ERC1: variants seen among roughly 807,000 people sequenced by gnomAD.
The protein encoded by ERC1 is RAB6 interacting protein 2.
In ERC1, 56 loss-of-function variants were observed where a neutral mutation model predicts 132.0. That is an observed-to-expected ratio of 0.42 (90% confidence interval 0.34 to 0.53). The LOEUF (loss-of-function observed/expected upper bound fraction) is 0.53, where lower values mean the gene tolerates loss of function less well. ERC1 is among the 20% of genes least tolerant of loss of function. The probability of loss-of-function intolerance (pLI) is 0.03; values close to 1 mark genes in which losing one functional copy is unlikely to be tolerated. For synonymous variants in ERC1, 478 were observed against 476.1 expected (o/e 1.00, Z -0.05); for missense variants, 1,202 against 1,349.9 (o/e 0.89, Z 1.72).
chr12:1,101,660 G>A (rs1944673597), intron 3 of ERC1, among the ~76,000 whole-genome samples: 1 of 152,198 alleles, frequency 6.6e-6, no homozygotes. Flanking sequence ...GGTAGACTCT[G>A]CCTTTAAATG....
At chr12:1,488,680 A>C (rs1359149575) in intron 18 of ERC1, among the ~76,000 whole-genome samples, 1 of 152,196 alleles carries the variant, frequency 6.6e-6, no homozygotes, top group East Asian at 1.9e-4. Context: ...TATGTTCTTA[A>C]CTAGACTTTA....
At chr12:1,405,179 A>G (rs2091390369) in intron 16 of ERC1, among the ~76,000 whole-genome samples, 1 of 147,274 alleles carries the variant, frequency 6.8e-6, no homozygotes, top group Admixed American at 6.8e-5. Context: ...AAATAAATAA[A>G]TATAAATAAA....
intron 15 of ERC1, among the ~76,000 whole-genome samples, chr12:1,365,638 A>G (rs940561065): frequency 5.3e-5 from 8 of 152,228 alleles, no homozygotes; most frequent in Admixed American, 5.2e-4. Flanking sequence ...GAGTATATAG[A>G]GTAACTGCAG....
At position 1,440,350 on chromosome 12, in the gene ERC1, G is replaced by A. The variant is rs540223711; in HGVS notation, c.3025-4212G>A. ...CTCCCGAGTAGCTGGGACTACAGAC[G>A]CCCGCCACCACGCCCGGCTAATTTT... On this transcript the variant is annotated intron_variant, in intron 17 of 18. Coordinates refer to ENST00000360905, the MANE Select transcript of ERC1 (RefSeq NM_178040.4). Among the ~76,000 whole-genome samples, 196 of 149,174 alleles carry A rather than the reference G, an allele frequency of 1.3e-3. 4 individuals are homozygous for A. In the East Asian group the frequency reaches 0.018, roughly 14 times the overall value.
chr12:1,165,248 C>G (rs372413630), intron 8 of ERC1, among the ~76,000 whole-genome samples: 7 of 152,058 alleles, frequency 4.6e-5, no homozygotes, highest in African/African-American at 1.7e-4. Context: ...AGTGTGCTTG[C>G]TACAAGACTG....
chr12:1,123,720 C>T (rs1318601861), intron 7 of ERC1, among the ~76,000 whole-genome samples: 4 of 152,178 alleles, frequency 2.6e-5, no homozygotes, highest in Admixed American at 1.3e-4. Flanking sequence ...GCGGGCCGGG[C>T]GCGGCAGCCC....
intron 13 of ERC1, among the ~76,000 whole-genome samples, chr12:1,241,735 A>T (rs1048510692): frequency 6.6e-6 from 1 of 151,946 alleles, no homozygotes; most frequent in Non-Finnish European, 1.5e-5. Context: ...GGTATTCTTT[A>T]AAAAAATTTT....
chr12:1,427,509 G>A (rs115233049), intron 17 of ERC1, among the ~76,000 whole-genome samples: 246 of 152,148 alleles, frequency 1.6e-3, no homozygotes, highest in African/African-American at 4.9e-3. Context: ...TATAAATTTC[G>A]TATTTTCTTT....
chr12:1,403,132 G>A (rs1323072652), intron 16 of ERC1, among the ~76,000 whole-genome samples: 2 of 152,140 alleles, frequency 1.3e-5, no homozygotes, highest in Non-Finnish European at 2.9e-5. Context: ...TCCTCTGGGA[G>A]GGTATGTATA....
chr12:1,491,686 A>G lies in ERC1; in HGVS notation c.*1456A>G. On this transcript the variant is annotated 3_prime_UTR_variant, in exon 19 of 19. Coordinates refer to ENST00000360905, the MANE Select transcript of ERC1 (RefSeq NM_178040.4). ...TATTGCCCTTAGAGGGGCTCTGAGT[A>G]TCTACTTGTGGGTGGCCATTTCCTG... 2 of 230,506 alleles carry G rather than the reference A, an allele frequency of 8.7e-6. No homozygotes were observed. Among genetic ancestry groups the G allele is most frequent in the Non-Finnish European group, 1.7e-5 (2 of 116,366 alleles). The allele number at this position is 230,506 out of a possible 1,614,324, so 14.3% of individuals were successfully genotyped here.
intron 2 of ERC1, among the ~76,000 whole-genome samples, chr12:1,030,442 G>T (rs774408560): frequency 2.0e-5 from 3 of 152,186 alleles, no homozygotes; most frequent in Non-Finnish European, 4.4e-5. Flanking sequence ...TATAGTGTTA[G>T]CCAGGTGTGG....
At chr12:1,410,483 A>G (rs946837548) in intron 17 of ERC1, 7 of 1,152,194 alleles carry the variant, frequency 6.1e-6, no homozygotes, top group Non-Finnish European at 6.9e-6. Context: ...AACTATAGAA[A>G]TGGTTTTTGT....
intron 7 of ERC1, among the ~76,000 whole-genome samples, chr12:1,133,850 GTTTC>G (rs1949004594): frequency 6.6e-6 from 1 of 152,092 alleles, no homozygotes; most frequent in African/African-American, 2.4e-5. Flanking sequence ...TCTCTTCTCT[GTTTC>G]TTTGAGTTCA....
chr12:1,414,844 A>G lies in ERC1; in HGVS notation c.3024+6597A>G, dbSNP rs139922783. 1.8e-3 allele frequency among the ~76,000 whole-genome samples: 278 copies of G among 151,978 alleles called. 5 individuals are homozygous for G. Among genetic ancestry groups the G allele is most frequent in the African/African-American group, 5.9e-3 (246 of 41,460 alleles). ...TATAGTAGGTCCTCAGTAAATATAT[A>G]TGTGTGTGTGTGTCTGTGTGTGTGT... On this transcript the variant is annotated intron_variant, in intron 17 of 18. Transcript: ENST00000360905.
chr12:1,161,326 G>A (rs1014713037), intron 8 of ERC1, among the ~76,000 whole-genome samples: 3 of 152,112 alleles, frequency 2.0e-5, no homozygotes, highest in Non-Finnish European at 2.9e-5. Flanking sequence ...GGAGAAGGGG[G>A]CATCTAAGCC....
At chr12:1,196,806 T>TTCTCTC (rs755412381) in intron 12 of ERC1, among the ~76,000 whole-genome samples, 2,530 of 90,348 alleles carry the variant, frequency 0.028, 345 homozygotes, top group African/African-American at 0.11. Context: ...CGCACGCTAT[T>TTCTCTC]TCTCTCTCTC....
chr12:1,286,480 A>G (rs1470560951), intron 14 of ERC1, among the ~76,000 whole-genome samples: 1 of 152,176 alleles, frequency 6.6e-6, no homozygotes, highest in Non-Finnish European at 1.5e-5. Context: ...TCTATTAAAA[A>G]TTACACTACT....
At chr12:1,242,341 G>T (rs191870053) in intron 13 of ERC1, among the ~76,000 whole-genome samples, 94 of 152,018 alleles carry the variant, frequency 6.2e-4, no homozygotes, top group African/African-American at 2.2e-3. Flanking sequence ...GTCATCTCCA[G>T]CCAGGAACTA....
At position 1,493,843 on chromosome 12, in the gene ERC1, A is replaced by G. The variant is rs76083441; in HGVS notation, c.*3613A>G. On this transcript the variant is annotated 3_prime_UTR_variant, in exon 19 of 19. Coordinates refer to ENST00000360905, the MANE Select transcript of ERC1 (RefSeq NM_178040.4). ...CCAGAGTGAGAGAAGAGGAAGGCGA[A>G]GTCATCACAGACACGGTCTTAGCCA... 1,375 of 227,142 alleles carry G rather than the reference A, an allele frequency of 6.1e-3. 13 individuals are homozygous for G. Among genetic ancestry groups the G allele is most frequent in the African/African-American group, 0.028 (1,255 of 44,940 alleles). 14.1% of individuals were successfully genotyped at this position (227,142 alleles called of 1,614,324 possible). A position where few individuals can be genotyped will look rare whatever the true frequency, so the allele number is the denominator to read the frequency against.
Sources: allele counts gnomAD v4.1 joint callset (sites outside exome capture counted in the v4.1 genomes callset), GRCh38; gene constraint gnomAD v4.1.1; transcripts MANE v1.5; gene names NCBI Gene and HGNC (gene_info 2026-07-23, HGNC 2026-07-21).